Variants in PKD1 observed in about 807,000 individuals in gnomAD.
PKD1 encodes polycystin 1, transient receptor potential channel interacting.
Under a neutral mutation model 361.7 loss-of-function variants are expected in PKD1, and 81 were observed. The ratio of observed to expected loss-of-function variants is 0.22; its 90% CI spans 0.19 to 0.27. PKD1 has a LOEUF of 0.27. Among genes scored for constraint, PKD1 ranks in the 10% least tolerant of loss-of-function variants. The probability of loss-of-function intolerance (pLI) is 1.00; values close to 1 mark genes in which losing one functional copy is unlikely to be tolerated. For missense variants in PKD1, 6,399 were observed against 6,118.3 expected (o/e 1.05, Z -1.53); for synonymous variants, 3,615 against 2,818.3 (o/e 1.28, Z -8.95).
chr16:2,123,852 G>A (rs1005453656), intron 1 of PKD1, among the ~76,000 whole-genome samples: 3 of 152,318 alleles, frequency 2.0e-5, no homozygotes, highest in East Asian at 1.9e-4. Flanking sequence ...ATGGGTGCCC[G>A]AGGGCCAGGA....
At chr16:2,129,373 G>T (rs1389777935) in intron 1 of PKD1, among the ~76,000 whole-genome samples, 1 of 150,204 alleles carries the variant, frequency 6.7e-6, no homozygotes, top group African/African-American at 2.5e-5. Flanking sequence ...CTGGCCTCAA[G>T]CCATCTGCTC....
intron 9 of PKD1, 88 bp from the exon 10 acceptor site, chr16:2,115,713 T>G: frequency 7.6e-7 from 1 of 1,320,156 alleles, no homozygotes; most frequent in Non-Finnish European, 1.1e-6. Flanking sequence ...AATCCTGGCC[T>G]TGCTGTGAGG....
chr16:2,126,323 T>C (rs1222084160), intron 1 of PKD1, among the ~76,000 whole-genome samples: 1 of 152,272 alleles, frequency 6.6e-6, no homozygotes, highest in Non-Finnish European at 1.5e-5. Flanking sequence ...AAGCCCTTTC[T>C]GAGGTGGCCT....
Position 2,130,477 on chromosome 16 carries a change from C to T in PKD1, c.215+4998G>A, listed in dbSNP as rs1288150338. Among the ~76,000 whole-genome samples, 6 of 152,216 alleles carry T rather than the reference C, an allele frequency of 3.9e-5. No homozygotes were observed. In the South Asian group the frequency reaches 6.2e-4, roughly 16 times the overall value. On this transcript the variant is annotated intron_variant, in intron 1 of 45. Coordinates refer to ENST00000262304, the MANE Select transcript of PKD1 (RefSeq NM_001009944.3). ...ATCTCTGTCCTTGGAGAATCATCTG[C>T]GTGTTGGTTGAACGCGGGCTCCAGT...
chr16:2,130,191 AC>A (rs2092854024), intron 1 of PKD1, among the ~76,000 whole-genome samples: 1 of 152,168 alleles, frequency 6.6e-6, no homozygotes. Flanking sequence ...GCCACGTAAG[AC>A]CCGGCTCAGG....
chr16:2,090,075 G>A lies in PKD1; in HGVS notation c.12564C>T (p.Ser4188=), dbSNP rs1596471997. The stretch of plus-strand genomic sequence containing the variant: ...GCCCATCCAGCTGGCTGGAGGAGGT[G>A]GAGGGGTGCGAGGCATCGGAGCCAG... ...PSAGSDASHP[S]TSSSQLDGLS... The change falls in exon 46 of 46, where the codon TCC becomes TCT. Residue 4188 remains serine, a synonymous_variant. Transcript: ENST00000262304. 3 of 1,610,450 alleles carry A rather than the reference G, an allele frequency of 1.9e-6. No homozygotes were observed. Among genetic ancestry groups the A allele is most frequent in the Non-Finnish European group, 1.7e-6 (2 of 1,178,322 alleles).
chr16:2,135,340 G>C, intron 1 of PKD1, 135 bp downstream of exon 1: 1 of 1,073,062 alleles, frequency 9.3e-7, no homozygotes, highest in South Asian at 4.5e-5. Flanking sequence ...TATTTAGCAG[G>C]GCCGCCGTGC....
Position 2,108,838 on chromosome 16 carries a change from G to A in PKD1, c.6329C>T (p.Ala2110Val), listed in dbSNP as rs1266395140. ...SPGQDTDEPR[A>V]EHSYLRPGDY... ...CCCAGGCCTCAGGTAGGAGTGCTCG[G>A]CCCTGGGCTCATCTGTGTCCTGCCC... Residue 2110 changes from alanine to valine, a missense_variant, in exon 15 of 46, where the codon GCC becomes GTC. Ala to Val is a moderately conservative substitution (Grantham distance 64). Transcript: ENST00000262304. 4 of 1,571,332 alleles carry A rather than the reference G, an allele frequency of 2.5e-6. No homozygotes were observed. In the South Asian group the frequency reaches 4.6e-5, roughly 18 times the overall value.
In PKD1 at chr16:2,131,575, T is replaced by C. The variant is rs564560017; in HGVS notation, c.215+3900A>G. Among the ~76,000 whole-genome samples the C allele has an allele frequency of 7.9e-5, 12 of 151,934 alleles. No homozygotes were observed. In the South Asian group the frequency reaches 1.2e-3, roughly 16 times the overall value. On this transcript the variant is annotated intron_variant, in intron 1 of 45. Transcript: ENST00000262304. ...CACTCACACCTGTAATCCCAGCACT[T>C]TGGGAGGCCGAGGCAAGCAGATCAC...
chr16:2,090,672 A>G lies in PKD1; in HGVS notation c.12138+2T>C. The G allele has an allele frequency of 6.2e-7, 1 of 1,612,012 alleles. No individual in the cohort carries two copies. The highest frequency in any genetic ancestry group is 8.5e-7 in the Non-Finnish European group (1 of 1,179,884). On this transcript the variant is annotated splice_donor_variant, in intron 44 of 45. Coordinates refer to ENST00000262304, the MANE Select transcript of PKD1 (RefSeq NM_001009944.3). LOFTEE classifies it high-confidence loss of function. The stretch of plus-strand genomic sequence containing the variant: ...GCCCTCCCCGGCCGCGCAGTCACCT[A>G]CCAGGATGGCCAGCTGGGCGTAGGC...
chr16:2,103,881 G>C lies in PKD1; in HGVS notation c.8176C>G (p.Leu2726Val), dbSNP rs573754849. 6.3e-7 allele frequency: 1 copy of C among 1,595,150 alleles called. No homozygotes were observed. The highest frequency in any genetic ancestry group is 8.5e-7 in the Non-Finnish European group (1 of 1,174,722). Reference protein sequence around the residue: ...ILNITGDLIHLASSDVRAPQP... With the variant: ...ILNITGDLIHVASSDVRAPQP... ...GGTGCCCGCACGTCCGAGCTGGCCAGGTGGATGAGGTCTCCTGCAGACATG... is the reference window on the plus strand; with the variant it reads ...GGTGCCCGCACGTCCGAGCTGGCCACGTGGATGAGGTCTCCTGCAGACATG... The change falls in exon 23 of 46, where the codon CTG becomes GTG. Residue 2726 changes from leucine to valine, a missense_variant. By Grantham distance (32) the Leu-to-Val change is conservative. Transcript: ENST00000262304.
rs1357210300 is a variant in PKD1, at chr16:2,116,103, C to A, written c.1738G>T (p.Gly580Cys). 5 of 1,551,014 alleles carry A rather than the reference C, an allele frequency of 3.2e-6. No homozygotes were observed. Among genetic ancestry groups the A allele is most frequent in the Non-Finnish European group, 4.4e-6 (5 of 1,141,832 alleles). The change falls in exon 9 of 46, where the codon GGC (glycine) becomes TGC (cysteine). Residue 580 changes from glycine (G) to cysteine (C), a missense_variant. By Grantham distance (159) the Gly-to-Cys change is radical (BLOSUM62 -3). Coordinates refer to ENST00000262304, the MANE Select transcript of PKD1 (RefSeq NM_001009944.3). ...HEPVEVMVFP[G>C]LRLSREAFLT... ...AAGGCTTCACGGCTCAGACGCAGGC[C>A]CGGGAATACCATGACCTGGTGGGCA...
chr16:2,118,601 C>T lies in PKD1; in HGVS notation c.529+75G>A, dbSNP rs2092677200. The T allele has an allele frequency of 1.3e-6, 1 of 772,506 alleles. No individual in the cohort carries two copies. Among genetic ancestry groups the T allele is most frequent in the African/African-American group, 1.7e-5 (1 of 58,612 alleles). The allele number at this position is 772,506 out of a possible 1,614,324, so 47.9% of individuals were successfully genotyped here. ...CCCCCCCAGAGAGGCCTTCCTGAGC[C>T]CTGCCCAGTGTCTGCAGGGCCCAGG... On this transcript the variant is annotated intron_variant, in intron 4 of 45. Transcript: ENST00000262304. The surrounding 1 kb of genome is among the most constrained non-coding windows in gnomAD (Gnocchi z 6.0).
At chr16:2,093,121 G>A (rs996827547) in intron 37 of PKD1, 28 bp from the exon 38 acceptor site, 1 of 1,611,232 alleles carries the variant, frequency 6.2e-7, no homozygotes, top group Non-Finnish European at 8.5e-7. Context: ...CCTGTGGTCA[G>A]CCTGGCCCCA....
chr16:2,131,280 G>A (rs556641450), intron 1 of PKD1, among the ~76,000 whole-genome samples: 103 of 152,300 alleles, frequency 6.8e-4, no homozygotes, highest in Middle Eastern at 3.4e-3. Context: ...GGGAGGCTGA[G>A]GCGGGAGGAT....
Position 2,093,101 on chromosome 16 carries a change from A to AC in PKD1, c.11017-9dup, listed in dbSNP as rs759009814. 35 of 1,612,080 alleles carry AC rather than the reference A, an allele frequency of 2.2e-5. No homozygotes were observed. The highest frequency in any genetic ancestry group is 2.9e-5 in the Non-Finnish European group (34 of 1,179,896). Reference sequence around the variant, plus strand: ...CATGTACACCAGGAGGCTCTGGTGGACGGGGGGGCCCTGTGGTCAGCCTGG... The same window carrying AC: ...CATGTACACCAGGAGGCTCTGGTGGACCGGGGGGGCCCTGTGGTCAGCCTGG... On this transcript the variant is annotated splice_polypyrimidine_tract_variant and intron_variant, in intron 37 of 45. Coordinates refer to ENST00000262304, the MANE Select transcript of PKD1 (RefSeq NM_001009944.3).
intron 37 of PKD1, 165 bp downstream of exon 37, chr16:2,093,379 G>A (rs1025147612): frequency 8.2e-6 from 6 of 735,638 alleles, no homozygotes; most frequent in South Asian, 3.6e-5. Flanking sequence ...GGCAGCAAGT[G>A]GGGGGCGTGG....
chr16:2,093,869 C>T lies in PKD1; in HGVS notation c.10763G>A (p.Trp3588Ter). Reference sequence around the variant, plus strand: ...GAAGCTGGCGCTGCTGGACAGGAGCCACGCAACACTCACGCCCGGGGGGAA... The same window carrying T: ...GAAGCTGGCGCTGCTGGACAGGAGCTACGCAACACTCACGCCCGGGGGGAA... The part of the protein sequence containing the change: ...ASFPPGVSVA[W>*]LLSSSASFLA... Residue 3588 changes from tryptophan (W) to a stop codon, truncating the protein, a stop_gained, in exon 36 of 46, where the codon TGG becomes TAG. Coordinates refer to ENST00000262304, the MANE Select transcript of PKD1 (RefSeq NM_001009944.3). LOFTEE classifies it high-confidence loss of function. The T allele has an allele frequency of 6.4e-7, 1 of 1,571,518 alleles. No individual in the cohort carries two copies. The highest frequency in any genetic ancestry group is 8.6e-7 in the Non-Finnish European group (1 of 1,164,508).
At chr16:2,104,364 GAGGATGGGAATT>G in intron 22 of PKD1, 122 bp downstream of exon 22, 2 of 538,958 alleles carry the variant, frequency 3.7e-6, no homozygotes, top group Non-Finnish European at 6.7e-6. Flanking sequence ...GGAGGGGGAT[GAGGATGGGAATT>G]GGGGGGAGGG....
Sources: gnomAD v4.1 joint callset for allele counts (sites outside exome capture counted in the v4.1 genomes callset) on GRCh38, gnomAD v4.1.1 for gene constraint, Gnocchi (gnomAD v3.1) non-coding constraint, MANE v1.5 for transcripts, NCBI Gene and HGNC (gene_info 2026-07-23, HGNC 2026-07-21) for gene names.